Variants in DPY19L1 observed in about 807,000 individuals in gnomAD.
DPY19L1 encodes protein C-mannosyl-transferase DPY19L1.
In DPY19L1, 35 loss-of-function variants were observed where a neutral mutation model predicts 96.9. That is an observed-to-expected ratio of 0.36 (90% CI 0.28 to 0.48). The LOEUF is 0.48. DPY19L1 is among the 20% of genes least tolerant of loss of function. The pLI is 0.99. For missense variants in DPY19L1, 521 were observed against 777.9 expected (o/e 0.67, Z 3.93); for synonymous variants, 205 against 252.6 (o/e 0.81, Z 1.79).
intron 10 of DPY19L1, among the ~76,000 whole-genome samples, chr7:34,959,924 TTTATATATATA>T (rs1562806986): frequency 0.12 from 6,218 of 50,984 alleles, 217 homozygotes; most frequent in Non-Finnish European, 0.15. Flanking sequence ...TATATATATA[TTTATATATATA>T]TATATATATA....
chr7:34,971,135 A>G (rs1180577099), intron 8 of DPY19L1, among the ~76,000 whole-genome samples: 1 of 152,166 alleles, frequency 6.6e-6, no homozygotes. Flanking sequence ...ATGTCACAAT[A>G]TGTCAACTAT....
At chr7:34,936,762 A>T (rs1412758604) in intron 21 of DPY19L1, among the ~76,000 whole-genome samples, 4 of 152,202 alleles carry the variant, frequency 2.6e-5, no homozygotes, top group Admixed American at 1.3e-4. Context: ...TTCATAGGAG[A>T]ATCATTCTAT....
At chr7:34,943,653 A>G (rs1329755866) in intron 16 of DPY19L1, among the ~76,000 whole-genome samples, 1 of 152,202 alleles carries the variant, frequency 6.6e-6, no homozygotes, top group Non-Finnish European at 1.5e-5. Context: ...CTCTTCCAAA[A>G]AAGAGCTCTG....
At chr7:34,989,050 A>T (rs1017740460) in intron 7 of DPY19L1, among the ~76,000 whole-genome samples, 1 of 152,190 alleles carries the variant, frequency 6.6e-6, no homozygotes, top group Non-Finnish European at 1.5e-5. Context: ...CAGGTCACAG[A>T]GCCACATAGC....
At chr7:35,006,146 C>T (rs1785550591) in intron 6 of DPY19L1, among the ~76,000 whole-genome samples, 1 of 152,176 alleles carries the variant, frequency 6.6e-6, no homozygotes, top group Non-Finnish European at 1.5e-5. Flanking sequence ...TTGCACTCAT[C>T]CTTACATAGC....
At chr7:34,959,802 G>C (rs1275123795) in intron 10 of DPY19L1, among the ~76,000 whole-genome samples, 10 of 150,358 alleles carry the variant, frequency 6.7e-5, no homozygotes, top group African/African-American at 2.4e-4. Flanking sequence ...ACCATGACAC[G>C]TGTATACCTA....
chr7:34,944,908 T>C (rs1784109866), intron 16 of DPY19L1, among the ~76,000 whole-genome samples: 1 of 152,228 alleles, frequency 6.6e-6, no homozygotes, highest in African/African-American at 2.4e-5. Context: ...GGATATACTA[T>C]TAATTTTTAG....
intron 19 of DPY19L1, 51 bp from the exon 20 acceptor site, chr7:34,939,426 G>A (rs765274034): frequency 2.0e-6 from 3 of 1,487,990 alleles, no homozygotes; most frequent in African/African-American, 2.8e-5. Context: ...AGGCGAGAAG[G>A]TGTCTCCTTC....
chr7:34,935,346 A>T (rs1181749905), intron 21 of DPY19L1, among the ~76,000 whole-genome samples: 1 of 152,100 alleles, frequency 6.6e-6, no homozygotes, highest in African/African-American at 2.4e-5. Context: ...TGCAAATAGC[A>T]TTAGTGAAAA....
chr7:34,939,313 TG>T lies in DPY19L1; in HGVS notation c.1926del (p.Ile643LeufsTer2). ...TCTTCATAATGTGGATGATTCACAA[TG>T]GGCCGAAGTGCAGAGAGCTTAACAC... ...MASVKLSALR[P>X]IVNHPHYEDA... is the part of the protein sequence containing the mutation. On this transcript the variant is annotated frameshift_variant, in exon 20 of 22. Coordinates refer to ENST00000638088, the MANE Select transcript of DPY19L1 (RefSeq NM_001366673.1). LOFTEE classifies it high-confidence loss of function. 5 of 1,613,892 alleles carry T rather than the reference TG, an allele frequency of 3.1e-6. No individual in the cohort carries two copies. Among genetic ancestry groups the T allele is most frequent in the Non-Finnish European group, 4.2e-6 (5 of 1,179,956 alleles).
At chr7:35,001,994 G>A (rs1012775200) in intron 6 of DPY19L1, among the ~76,000 whole-genome samples, 7 of 151,736 alleles carry the variant, frequency 4.6e-5, no homozygotes, top group African/African-American at 1.5e-4. Context: ...GTGTGGTGGT[G>A]CGTGCCTGTA....
chr7:34,944,629 A>G (rs1172735689), intron 16 of DPY19L1, among the ~76,000 whole-genome samples: 2 of 152,208 alleles, frequency 1.3e-5, no homozygotes, highest in Admixed American at 6.5e-5. Context: ...TAAAAATTCA[A>G]TAATGTATAC....
intron 8 of DPY19L1, 67 bp downstream of exon 8, chr7:34,973,447 T>C (rs1484303602): frequency 4.2e-5 from 40 of 957,320 alleles, no homozygotes; most frequent in Non-Finnish European, 5.4e-5. Context: ...CACTTTATTA[T>C]GGAAGCTTAA....
chr7:34,933,093 A>C (rs898273928), intron 21 of DPY19L1, among the ~76,000 whole-genome samples: 1 of 152,188 alleles, frequency 6.6e-6, no homozygotes, highest in Non-Finnish European at 1.5e-5. Flanking sequence ...CATTTCTCAG[A>C]GGTGACTTCT....
At chr7:34,969,382 A>G (rs1784678526) in intron 9 of DPY19L1, 51 bp downstream of exon 9, 1 of 1,033,436 alleles carries the variant, frequency 9.7e-7, no homozygotes, top group African/African-American at 1.6e-5. Flanking sequence ...AAATGAGCTC[A>G]CATAGTCAAA....
intron 7 of DPY19L1, among the ~76,000 whole-genome samples, chr7:34,977,697 A>AT (rs1468055108): frequency 1.3e-5 from 2 of 152,090 alleles, no homozygotes; most frequent in Non-Finnish European, 2.9e-5. Flanking sequence ...CAAAATAAAT[A>AT]TTTTTTCTTT....
At chr7:35,035,251 T>A (rs895402859) in intron 1 of DPY19L1, among the ~76,000 whole-genome samples, 8 of 152,148 alleles carry the variant, frequency 5.3e-5, no homozygotes, top group African/African-American at 1.9e-4. Context: ...AAATACAATC[T>A]ACCACATTCA....
intron 6 of DPY19L1, among the ~76,000 whole-genome samples, chr7:35,005,404 G>C (rs572873046): frequency 1.3e-5 from 2 of 151,688 alleles, no homozygotes; most frequent in Admixed American, 1.3e-4. Flanking sequence ...AAGCAGAGCA[G>C]TGGGAGAGGT....
intron 6 of DPY19L1, among the ~76,000 whole-genome samples, chr7:34,991,450 G>C (rs1252554084): frequency 6.6e-6 from 1 of 152,210 alleles, no homozygotes; most frequent in African/African-American, 2.4e-5. Flanking sequence ...GAGGAGCTTA[G>C]AAAGCAGTAC....
Sources: gnomAD v4.1 joint callset for allele counts (sites outside exome capture counted in the v4.1 genomes callset) on GRCh38, gnomAD v4.1.1 for gene constraint, MANE v1.5 for transcripts, NCBI Gene and HGNC (gene_info 2026-07-23, HGNC 2026-07-21) for gene names.